NXN: variants seen among roughly 807,000 people sequenced by gnomAD.
The protein encoded by NXN is nucleoredoxin 1.
NXN carries 16 observed loss-of-function variants against 48.6 expected under a neutral mutation model. The ratio of observed to expected loss-of-function variants is 0.33; its 90% CI spans 0.22 to 0.50. NXN has a LOEUF of 0.50. Among genes scored for constraint, NXN ranks in the 20% least tolerant of loss-of-function variants. NXN has a pLI of 0.98. For synonymous variants in NXN, 281 were observed against 269.6 expected, an observed-to-expected ratio of 1.04 and a Z score of -0.41; for missense variants, 492 against 605.5, an observed-to-expected ratio of 0.81 and a Z score of 1.97.
intron 1 of NXN, among the ~76,000 whole-genome samples, chr17:923,778 G>A (rs1286511453): frequency 1.3e-5 from 2 of 152,186 alleles, no homozygotes; most frequent in Admixed American, 1.3e-4. Flanking sequence ...GGACACAAGT[G>A]CGTTTGATAC....
At chr17:828,265 G>A (rs765568787) in intron 1 of NXN, among the ~76,000 whole-genome samples, 36 of 149,862 alleles carry the variant, frequency 2.4e-4, no homozygotes, top group Admixed American at 3.3e-4. Flanking sequence ...TACCACACCC[G>A]GCTAGTTTTT....
intron 1 of NXN, among the ~76,000 whole-genome samples, chr17:926,064 A>C (rs1468163697): frequency 6.6e-6 from 1 of 152,244 alleles, no homozygotes; most frequent in Non-Finnish European, 1.5e-5. Flanking sequence ...TGCAATGCAA[A>C]TCTATGTCTT....
intron 1 of NXN, among the ~76,000 whole-genome samples, chr17:957,780 G>A (rs1327046890): frequency 1.3e-5 from 2 of 152,048 alleles, no homozygotes; most frequent in African/African-American, 2.4e-5. Flanking sequence ...CTGTCCTGTG[G>A]CATGTCTGGA....
At chr17:907,631 G>C (rs1798455441) in intron 1 of NXN, 2 of 152,320 alleles carry the variant, frequency 1.3e-5, no homozygotes, top group African/African-American at 4.8e-5. Context: ...TGAAAACACT[G>C]TGCCTGGTCT....
chr17:863,937 T>C, intron 1 of NXN: 1 of 1,515,426 alleles, frequency 6.6e-7, no homozygotes, highest in Non-Finnish European at 8.9e-7. Context: ...GTTCCCCAGA[T>C]CAGCAGCAGC....
intron 5 of NXN, among the ~76,000 whole-genome samples, chr17:812,613 T>C (rs1389892190): frequency 1.3e-5 from 2 of 148,564 alleles, no homozygotes; most frequent in Admixed American, 6.6e-5. Context: ...GTGCATTGTG[T>C]GAGTGTAGGT....
chr17:832,297 C>T (rs540215787), intron 1 of NXN, among the ~76,000 whole-genome samples: 3 of 152,100 alleles, frequency 2.0e-5, no homozygotes, highest in Non-Finnish European at 4.4e-5. Flanking sequence ...CCTGCCTCAG[C>T]CTCCTGAGTA....
chr17:818,349 GAGA>G lies in NXN; in HGVS notation c.820+1087_820+1089del, dbSNP rs573795273. On this transcript the variant is annotated intron_variant, in intron 5 of 7. Coordinates refer to ENST00000336868, the MANE Select transcript of NXN (RefSeq NM_022463.5). ...CTCTCAGGAAATTGATTTTCTCACCGAGAAGGTGATACCCACTCAGCCCTCACT... is the reference window on the plus strand; with the variant it reads ...CTCTCAGGAAATTGATTTTCTCACCGAGGTGATACCCACTCAGCCCTCACT... Among the ~76,000 whole-genome samples the G allele has an allele frequency of 1.3e-3, 192 of 152,020 alleles. 2 individuals are homozygous for G. The highest frequency in any genetic ancestry group is 4.4e-3 in the African/African-American group (181 of 41,460).
At chr17:944,059 G>T (rs193255024) in intron 1 of NXN, among the ~76,000 whole-genome samples, 3 of 151,916 alleles carry the variant, frequency 2.0e-5, no homozygotes, top group Non-Finnish European at 1.5e-5. Flanking sequence ...CCAACATGAC[G>T]AAACCCCGTC....
chr17:852,077 G>A (rs571674372), intron 1 of NXN, among the ~76,000 whole-genome samples: 62 of 152,322 alleles, frequency 4.1e-4, no homozygotes, highest in African/African-American at 1.2e-3. Context: ...TGTGCCAACG[G>A]AGGCAGCAGT....
chr17:974,427 A>G (rs890915172), intron 1 of NXN, among the ~76,000 whole-genome samples: 3 of 152,106 alleles, frequency 2.0e-5, no homozygotes, highest in Non-Finnish European at 4.4e-5. Flanking sequence ...AATGTGATAG[A>G]TTCCCAAGGC....
At position 921,450 on chromosome 17, in the gene NXN, G is replaced by A. The variant is rs139966600; in HGVS notation, c.360+57869C>T. ...CTGCTTTCCATCTTTTCCTCGAAAC[G>A]CTTCCCGCACCTCTCCTGGCCCCTC... On this transcript the variant is annotated intron_variant, in intron 1 of 7. Coordinates refer to ENST00000336868, the MANE Select transcript of NXN (RefSeq NM_022463.5). Among the ~76,000 whole-genome samples the A allele has an allele frequency of 1.3e-3, 202 of 152,160 alleles. 1 individual carries two copies. The highest frequency in any genetic ancestry group is 4.3e-3 in the African/African-American group (179 of 41,522).
chr17:881,409 T>C (rs1002992686), intron 1 of NXN, among the ~76,000 whole-genome samples: 5 of 152,122 alleles, frequency 3.3e-5, no homozygotes, highest in Admixed American at 2.0e-4. Flanking sequence ...AAATTTTCCA[T>C]TGAGACGGGG....
At chr17:840,484 C>A (rs542011659) in intron 1 of NXN, among the ~76,000 whole-genome samples, 1 of 152,126 alleles carries the variant, frequency 6.6e-6, no homozygotes, top group Non-Finnish European at 1.5e-5. Flanking sequence ...GGACTACAGG[C>A]GCCTGCCACC....
In NXN at chr17:978,588, A is replaced by C. The variant is rs2069489440; in HGVS notation, c.360+731T>G. On this transcript the variant is annotated intron_variant, in intron 1 of 7. Coordinates refer to ENST00000336868, the MANE Select transcript of NXN (RefSeq NM_022463.5). The surrounding 1 kb of genome is among the most constrained non-coding windows in gnomAD (Gnocchi z 4.1). ...GGGAGGCGTCTGGGGAGGAGGCTGG[A>C]CGGCCAGACAATGCAAAGCTCCCCG... 6.6e-6 allele frequency: 1 copy of C among 152,194 alleles called. No individual in the cohort carries two copies. The highest frequency in any genetic ancestry group is 2.1e-4 in the South Asian group (1 of 4,832). The allele number at this position is 152,194 out of a possible 1,614,324, so 9.4% of individuals were successfully genotyped here.
chr17:820,143 T>G (rs1266850382), intron 4 of NXN, among the ~76,000 whole-genome samples: 1 of 152,132 alleles, frequency 6.6e-6, no homozygotes, highest in Admixed American at 6.6e-5. Flanking sequence ...GTGATGATGG[T>G]GGTTACGTGG....
chr17:900,573 G>C (rs1377739241), intron 1 of NXN, among the ~76,000 whole-genome samples: 1 of 152,136 alleles, frequency 6.6e-6, no homozygotes, highest in Non-Finnish European at 1.5e-5. Context: ...GGGAAGGGAG[G>C]GTGGTGAGTT....
At chr17:873,452 G>A (rs972477259) in intron 1 of NXN, among the ~76,000 whole-genome samples, 5 of 136,486 alleles carry the variant, frequency 3.7e-5, no homozygotes, top group African/African-American at 1.1e-4. Flanking sequence ...AGCTGAGATC[G>A]CACCACTGTA....
At chr17:918,197 A>C (rs560391099) in intron 1 of NXN, among the ~76,000 whole-genome samples, 1 of 152,334 alleles carries the variant, frequency 6.6e-6, no homozygotes, top group Admixed American at 6.5e-5. Flanking sequence ...GTAATCAAAC[A>C]ATCACAAACC....
Sources: gnomAD v4.1 joint callset for allele counts (sites outside exome capture counted in the v4.1 genomes callset) on GRCh38, gnomAD v4.1.1 for gene constraint, Gnocchi (gnomAD v3.1) non-coding constraint, MANE v1.5 for transcripts, NCBI Gene and HGNC (gene_info 2026-07-23, HGNC 2026-07-21) for gene names.